UGGT2: variants seen among roughly 807,000 people sequenced by gnomAD.
The protein encoded by UGGT2 is UDP-glucose glycoprotein glucosyltransferase 2.
A neutral mutation model predicts 192.1 loss-of-function variants in UGGT2; 180 were observed. The observed-to-expected ratio is 0.94, with a 90% CI of 0.83 to 1.06. The LOEUF is 1.06. Ranked by LOEUF, UGGT2 falls within the 50% of genes least tolerant of loss-of-function variation. UGGT2 has a pLI of 0.00. For missense variants in UGGT2, 1,849 were observed against 1,795.7 expected, an observed-to-expected ratio of 1.03 and a Z score of -0.54; for synonymous variants, 580 against 591.0, an observed-to-expected ratio of 0.98 and a Z score of 0.27.
chr13:95,945,450 A>T (rs907114830), intron 15 of UGGT2, among the ~76,000 whole-genome samples: 14 of 152,102 alleles, frequency 9.2e-5, no homozygotes, highest in African/African-American at 3.1e-4. Context: ...GCTTTGTATT[A>T]AACCCTGTGG....
At chr13:95,867,753 C>T (rs534554225) in intron 29 of UGGT2, among the ~76,000 whole-genome samples, 1 of 152,190 alleles carries the variant, frequency 6.6e-6, no homozygotes, top group East Asian at 1.9e-4. Context: ...TTTCACATCC[C>T]TGATATATTG....
At chr13:95,952,991 A>C (rs1211603396) in intron 12 of UGGT2, among the ~76,000 whole-genome samples, 1 of 152,214 alleles carries the variant, frequency 6.6e-6, no homozygotes, top group Non-Finnish European at 1.5e-5. Context: ...ATATGTACCT[A>C]AAGAAATTAT....
intron 20 of UGGT2, among the ~76,000 whole-genome samples, chr13:95,924,604 C>G (rs114091896): frequency 1.4e-3 from 212 of 152,062 alleles, no homozygotes; most frequent in African/African-American, 4.7e-3. Context: ...ACCTTTCATA[C>G]TGAATAGAAG....
chr13:95,920,116 T>C (rs984471531), intron 20 of UGGT2, among the ~76,000 whole-genome samples: 4 of 152,198 alleles, frequency 2.6e-5, no homozygotes, highest in Non-Finnish European at 5.9e-5. Flanking sequence ...GTTCCCTATT[T>C]AATAAATAGT....
chr13:95,984,204 A>AGTACATGAATATAC (rs2051219065), intron 9 of UGGT2, among the ~76,000 whole-genome samples: 2 of 152,216 alleles, frequency 1.3e-5, no homozygotes, highest in African/African-American at 4.8e-5. Context: ...CCAATGTATA[A>AGTACATGAATATAC]GTACATGAAT....
At chr13:95,895,115 C>T in intron 23 of UGGT2, 65 bp downstream of exon 23, 1 of 1,466,520 alleles carries the variant, frequency 6.8e-7, no homozygotes, top group Non-Finnish European at 9.1e-7. Flanking sequence ...ATTTTCTAAT[C>T]TTAAAAACAT....
At chr13:95,922,655 T>C (rs1437264841) in intron 20 of UGGT2, among the ~76,000 whole-genome samples, 2 of 151,728 alleles carry the variant, frequency 1.3e-5, no homozygotes, top group African/African-American at 4.8e-5. Context: ...AACCCGTCTC[T>C]ACAAAAAAAT....
At chr13:95,909,662 T>C (rs1422935832) in intron 20 of UGGT2, among the ~76,000 whole-genome samples, 2 of 134,196 alleles carry the variant, frequency 1.5e-5, no homozygotes, top group East Asian at 4.5e-4. Context: ...AGATGACGAG[T>C]TAGTGGGTGC....
At position 96,023,811 on chromosome 13, in the gene UGGT2, A is replaced by G. The variant is rs1176434763; in HGVS notation, c.242-52T>C. The G allele has an allele frequency of 3.5e-6, 5 of 1,410,718 alleles. No homozygotes were observed. The African/African-American group carries it at 4.3e-5, about 12-fold the overall frequency. 87.4% of individuals were successfully genotyped at this position (1,410,718 alleles called of 1,614,324 possible). The stretch of plus-strand genomic sequence containing the variant: ...AATGTTAGCATTTTATACACTGCAC[A>G]TTGGCACATCTTCCACTGTAAGGCT... On this transcript the variant is annotated intron_variant, in intron 2 of 38. Coordinates refer to ENST00000376747, the MANE Select transcript of UGGT2 (RefSeq NM_020121.4).
At position 95,900,822 on chromosome 13, in the gene UGGT2, A is replaced by G; in HGVS notation, c.2619T>C (p.Ile873=). 3.1e-6 allele frequency: 5 copies of G among 1,609,698 alleles called. No homozygotes were observed. The highest frequency in any genetic ancestry group is 4.2e-6 in the Non-Finnish European group (5 of 1,178,332). The part of the protein sequence containing the change: ...VLKLRPGEMG[I]VSNGRFLGPL... The stretch of plus-strand genomic sequence containing the variant: ...TTCTACTTACTCTCCCATTGCTGAC[A>G]ATACCCATTTCTCCAGGACGTAATT... Residue 873 remains isoleucine, a synonymous_variant, in exon 22 of 39, where the codon ATT becomes ATC. Transcript: ENST00000376747.
intron 6 of UGGT2, among the ~76,000 whole-genome samples, chr13:95,998,540 G>C (rs2051698421): frequency 1.3e-5 from 2 of 152,118 alleles, no homozygotes; most frequent in African/African-American, 4.8e-5. Flanking sequence ...AGTGCATATA[G>C]AGAATAAACA....
At chr13:95,843,701 TC>T (rs1888103731) in intron 36 of UGGT2, among the ~76,000 whole-genome samples, 1 of 152,104 alleles carries the variant, frequency 6.6e-6, no homozygotes, top group South Asian at 2.1e-4. Flanking sequence ...ATCTAATTGT[TC>T]CAGCACTGTT....
intron 5 of UGGT2, among the ~76,000 whole-genome samples, chr13:96,007,482 C>T (rs905035202): frequency 1.3e-5 from 2 of 152,046 alleles, no homozygotes; most frequent in Non-Finnish European, 2.9e-5. Flanking sequence ...AAATAAAGGA[C>T]ATCCAAATTG....
intron 4 of UGGT2, among the ~76,000 whole-genome samples, chr13:96,019,855 G>C (rs1413800825): frequency 2.6e-5 from 4 of 152,150 alleles, no homozygotes; most frequent in Non-Finnish European, 4.4e-5. Flanking sequence ...TTCAGCTTTT[G>C]GTTTTACAAG....
chr13:95,941,952 C>G (rs1053925048), intron 15 of UGGT2, among the ~76,000 whole-genome samples: 1 of 151,966 alleles, frequency 6.6e-6, no homozygotes, highest in African/African-American at 2.4e-5. Flanking sequence ...GAGTTTTATG[C>G]GAATACGTAT....
At chr13:95,841,387 A>T (rs1272957355) in intron 36 of UGGT2, among the ~76,000 whole-genome samples, 1 of 152,158 alleles carries the variant, frequency 6.6e-6, no homozygotes, top group Non-Finnish European at 1.5e-5. Context: ...CCTTGACTGA[A>T]GATTGGTCCT....
At position 95,837,250 on chromosome 13, in the gene UGGT2, GAAGGA is replaced by G. The variant is rs374835652; in HGVS notation, c.4285-53_4285-49del. ...CATAGACGTATGAAATTTAGAGTCA[GAAGGA>G]AAGAAGCTGAATGAAGTAAGACATC... On this transcript the variant is annotated intron_variant, in intron 36 of 38. Transcript: ENST00000376747. 44 of 1,306,238 alleles carry G rather than the reference GAAGGA, an allele frequency of 3.4e-5. No homozygotes were observed. The African/African-American group carries it at 4.9e-4, about 15-fold the overall frequency. 80.9% of individuals were successfully genotyped at this position (1,306,238 alleles called of 1,614,324 possible).
intron 12 of UGGT2, among the ~76,000 whole-genome samples, chr13:95,955,303 A>C (rs2050180273): frequency 6.6e-6 from 1 of 152,204 alleles, no homozygotes; most frequent in Admixed American, 6.5e-5. Context: ...TTTTTTTACA[A>C]GTTACGTGCA....
At chr13:96,025,207 T>G (rs531635774) in intron 2 of UGGT2, among the ~76,000 whole-genome samples, 19 of 152,332 alleles carry the variant, frequency 1.2e-4, no homozygotes, top group South Asian at 1.2e-3. Flanking sequence ...TTCACAGTAC[T>G]TGACAGATCT....
Sources: allele counts gnomAD v4.1 joint callset (sites outside exome capture counted in the v4.1 genomes callset), GRCh38; gene constraint gnomAD v4.1.1; transcripts MANE v1.5; gene names NCBI Gene and HGNC (gene_info 2026-07-23, HGNC 2026-07-21).